Variants in ABHD18 observed in about 807,000 individuals in gnomAD.
ABHD18 encodes the protein cardiolipin-specific deacylase, mitochondrial.
A neutral mutation model predicts 65.9 loss-of-function variants in ABHD18; 55 were observed. That is an observed-to-expected ratio of 0.84 (90% CI 0.67 to 1.05). The LOEUF (loss-of-function observed/expected upper bound fraction) is 1.05. Among genes scored for constraint, ABHD18 ranks in the 50% least tolerant of loss-of-function variants. ABHD18 has a pLI of 0.00. For missense variants in ABHD18, 533 were observed against 558.5 expected, an observed-to-expected ratio of 0.95 and a Z score of 0.46; for synonymous variants, 181 against 180.2, an observed-to-expected ratio of 1.00 and a Z score of -0.04.
chr4:128,036,456 G>A lies in ABHD18; in HGVS notation c.*643G>A, dbSNP rs1245699497. 1.3e-5 allele frequency: 2 copies of A among 152,142 alleles called. No individual in the cohort carries two copies. Among genetic ancestry groups the A allele is most frequent in the South Asian group, 2.1e-4 (1 of 4,826 alleles). The allele number at this position is 152,142 out of a possible 1,614,324, so 9.4% of individuals were successfully genotyped here. Reference sequence around the variant, plus strand: ...TTTTAATAATCAAAGTGAGTGGCAGGGTGCGGTGGCTCACGCCTGTAATCC... The same window carrying A: ...TTTTAATAATCAAAGTGAGTGGCAGAGTGCGGTGGCTCACGCCTGTAATCC... On this transcript the variant is annotated 3_prime_UTR_variant, in exon 13 of 13. Coordinates refer to ENST00000645843, the MANE Select transcript of ABHD18 (RefSeq NM_001358451.3).
chr4:127,995,030 T>C (rs12510785), intron 4 of ABHD18, among the ~76,000 whole-genome samples: 106,039 of 151,994 alleles, frequency 0.7, 37,426 homozygotes, highest in Middle Eastern at 0.82. Flanking sequence ...TAGGCACATG[T>C]CACCACGCCT....
chr4:128,030,579 T>A lies in ABHD18; in HGVS notation c.1250T>A (p.Val417Asp). The change falls in exon 12 of 13, where the codon GTT becomes GAT. Residue 417 changes from valine (V) to aspartate (D), a missense_variant. Transcript: ENST00000645843. ...GATGCCTATATTCCACGAACAGGAG[T>A]TCGAAGTTTACAAGAAATTTGGCCT... The part of the protein sequence containing the change: ...KEDAYIPRTG[V>D]RSLQEIWPGC... The A allele has an allele frequency of 6.2e-7, 1 of 1,608,566 alleles. No homozygotes were observed. Among genetic ancestry groups the A allele is most frequent in the African/African-American group, 1.3e-5 (1 of 74,754 alleles).
At chr4:127,985,842 A>G (rs1264979332) in intron 3 of ABHD18, among the ~76,000 whole-genome samples, 1 of 151,896 alleles carries the variant, frequency 6.6e-6, no homozygotes, top group African/African-American at 2.4e-5. Flanking sequence ...TCTCTACTAA[A>G]AAAAAAATAC....
At chr4:128,026,859 C>T (rs889315250) in intron 10 of ABHD18, among the ~76,000 whole-genome samples, 7 of 151,056 alleles carry the variant, frequency 4.6e-5, no homozygotes, top group Admixed American at 3.3e-4. Flanking sequence ...AGTCTCTACT[C>T]ATTGTAACCT....
intron 4 of ABHD18, among the ~76,000 whole-genome samples, chr4:128,007,085 C>T (rs1373740229): frequency 6.6e-6 from 1 of 152,004 alleles, no homozygotes; most frequent in African/African-American, 2.4e-5. Flanking sequence ...GTGGAAGTTG[C>T]AGTGAGCCAA....
At chr4:127,985,784 G>A (rs776470387) in intron 3 of ABHD18, among the ~76,000 whole-genome samples, 11 of 151,844 alleles carry the variant, frequency 7.2e-5, no homozygotes, top group Non-Finnish European at 1.2e-4. Flanking sequence ...CGGGCAGATC[G>A]TGAGGTGAAG....
rs1202262917 is a variant in ABHD18 at position 128,030,573 on chromosome 4, C to T, written c.1244C>T (p.Thr415Ile). The change falls in exon 12 of 13, where the codon ACA (threonine) becomes ATA (isoleucine). Residue 415 changes from threonine (T) to isoleucine (I), a missense_variant. Coordinates refer to ENST00000645843, the MANE Select transcript of ABHD18 (RefSeq NM_001358451.3). Reference protein sequence around the residue: ...QAKEDAYIPRTGVRSLQEIWP... With the variant: ...QAKEDAYIPRIGVRSLQEIWP... ...AAAGAAGATGCCTATATTCCACGAA[C>T]AGGAGTTCGAAGTTTACAAGAAATT... 1 of 1,608,550 alleles carries T rather than the reference C, an allele frequency of 6.2e-7. No homozygotes were observed. The highest frequency in any genetic ancestry group is 2.2e-5 in the East Asian group (1 of 44,632).
chr4:127,976,824 A>G (rs935693345), intron 1 of ABHD18, among the ~76,000 whole-genome samples: 2 of 151,962 alleles, frequency 1.3e-5, no homozygotes, highest in Admixed American at 1.3e-4. Context: ...GGCGGATCAC[A>G]AGGTCAGGAG....
At chr4:128,000,126 C>T (rs1404292980) in intron 4 of ABHD18, among the ~76,000 whole-genome samples, 1 of 152,206 alleles carries the variant, frequency 6.6e-6, no homozygotes, top group African/African-American at 2.4e-5. Flanking sequence ...ATTCAACTAC[C>T]TCCCACCAGG....
At position 127,968,010 on chromosome 4, in the gene ABHD18, A is replaced by G. The variant is rs536156917; in HGVS notation, c.-18+2404A>G. ...GCCGAGGCGGGCGGATCACGAGGTC[A>G]GGAGGTCGAGACCACGGTGAAACCC... On this transcript the variant is annotated intron_variant, in intron 1 of 12. Coordinates refer to ENST00000645843, the MANE Select transcript of ABHD18 (RefSeq NM_001358451.3). Among the ~76,000 whole-genome samples the G allele has an allele frequency of 3.9e-5, 6 of 152,220 alleles. No individual in the cohort carries two copies. The South Asian group carries it at 1.2e-3, about 32-fold the overall frequency.
chr4:127,996,590 G>A (rs1382263463), intron 4 of ABHD18, among the ~76,000 whole-genome samples: 1 of 152,162 alleles, frequency 6.6e-6, no homozygotes, highest in Non-Finnish European at 1.5e-5. Flanking sequence ...CATCTTAACA[G>A]GAAACAGGGT....
chr4:128,029,525 G>A (rs1757906680), intron 11 of ABHD18, among the ~76,000 whole-genome samples: 2 of 151,898 alleles, frequency 1.3e-5, no homozygotes, highest in Non-Finnish European at 2.9e-5. Flanking sequence ...TATCAAAAAT[G>A]TAAAAATTAG....
chr4:127,970,465 G>T, intron 1 of ABHD18, among the ~76,000 whole-genome samples: 1 of 151,602 alleles, frequency 6.6e-6, no homozygotes, highest in East Asian at 2.0e-4. Context: ...GGTGGTGCAT[G>T]CCTGTAATCC....
At chr4:128,015,950 C>CT (rs938616932) in intron 7 of ABHD18, among the ~76,000 whole-genome samples, 3,077 of 130,726 alleles carry the variant, frequency 0.024, 123 homozygotes, top group African/African-American at 0.062. Flanking sequence ...TATTTAAATA[C>CT]TTTTTTTTTT....
At chr4:128,011,773 T>G in intron 7 of ABHD18, 73 bp downstream of exon 7, 1 of 965,238 alleles carries the variant, frequency 1.0e-6, no homozygotes, top group Non-Finnish European at 1.4e-6. Flanking sequence ...TTGGTTGCCT[T>G]CAGTTAACCA....
intron 4 of ABHD18, among the ~76,000 whole-genome samples, chr4:128,007,554 C>A (rs1305517741): frequency 6.6e-6 from 1 of 151,150 alleles, no homozygotes; most frequent in Non-Finnish European, 1.5e-5. Context: ...CCAGCCTGGG[C>A]AACATAGCGA....
intron 1 of ABHD18, among the ~76,000 whole-genome samples, chr4:127,972,981 A>T (rs1747136795): frequency 6.6e-6 from 1 of 151,966 alleles, no homozygotes; most frequent in Non-Finnish European, 1.5e-5. Flanking sequence ...TGATTTAGAC[A>T]ATCTTTTCTC....
At position 127,994,606 on chromosome 4, in the gene ABHD18, A is replaced by T. The variant is rs142713018; in HGVS notation, c.278+4785A>T. ...CCGTCTCAAAACAAACAAAAAAAAC[A>T]AACAAAATGTCCATTTGAGCAACCT... On this transcript the variant is annotated intron_variant, in intron 4 of 12. Coordinates refer to ENST00000645843, the MANE Select transcript of ABHD18 (RefSeq NM_001358451.3). Among the ~76,000 whole-genome samples the T allele has an allele frequency of 8.2e-4, 125 of 152,318 alleles. No individual in the cohort carries two copies. In the Middle Eastern group the frequency reaches 0.01, roughly 12 times the overall value.
chr4:128,030,437 TA>T, intron 11 of ABHD18, 72 bp from the exon 12 acceptor site: 1 of 1,061,828 alleles, frequency 9.4e-7, no homozygotes, highest in Non-Finnish European at 1.3e-6. Flanking sequence ...ACGAATGTTT[TA>T]TTTACTGCAT....
Sources: allele counts gnomAD v4.1 joint callset (sites outside exome capture counted in the v4.1 genomes callset), GRCh38; gene constraint gnomAD v4.1.1; transcripts MANE v1.5; gene names NCBI Gene and HGNC (gene_info 2026-07-23, HGNC 2026-07-21).